Variants in EFL1 observed in about 807,000 individuals in gnomAD.
EFL1 encodes the protein elongation factor-like GTPase 1.
EFL1 carries 76 observed loss-of-function variants against 126.7 expected under a neutral mutation model. The observed-to-expected ratio is 0.60, with a 90% CI of 0.50 to 0.73. The LOEUF is 0.73. Ranked by LOEUF, EFL1 falls within the 30% of genes least tolerant of loss-of-function variation. The pLI is 0.00. For missense variants in EFL1, 1,128 were observed against 1,343.2 expected (o/e 0.84, Z 2.50); for synonymous variants, 410 against 448.4 (o/e 0.91, Z 1.08).
chr15:82,144,867 C>T (rs754966438), intron 18 of EFL1, among the ~76,000 whole-genome samples: 1 of 151,908 alleles, frequency 6.6e-6, no homozygotes, highest in Non-Finnish European at 1.5e-5. Flanking sequence ...GTGGTGCGCA[C>T]CTGTAGTCCC....
At chr15:82,148,567 T>C (rs1233164114) in intron 18 of EFL1, among the ~76,000 whole-genome samples, 3 of 152,128 alleles carry the variant, frequency 2.0e-5, no homozygotes, top group African/African-American at 7.2e-5. Context: ...TATCTTTCTC[T>C]TCAGTGAGGA....
Position 82,219,858 on chromosome 15 carries a change from T to A in EFL1, c.1445-40A>T, listed in dbSNP as rs774648067. On this transcript the variant is annotated intron_variant, in intron 13 of 19. Coordinates refer to ENST00000268206, the MANE Select transcript of EFL1 (RefSeq NM_024580.6). ...AAGATAATTAGTGCCAAGAATGCCC[T>A]CTTAATTCAAGAACTGTCTGAAATA... 17 of 1,572,580 alleles carry A rather than the reference T, an allele frequency of 1.1e-5. No homozygotes were observed. In the Middle Eastern group the frequency reaches 1.9e-3, roughly 173 times the overall value.
chr15:82,164,784 C>A (rs2074060791), intron 15 of EFL1, among the ~76,000 whole-genome samples: 1 of 151,556 alleles, frequency 6.6e-6, no homozygotes, highest in Admixed American at 6.6e-5. Context: ...GTAGTCCCAG[C>A]TACTTGGGAG....
At chr15:82,200,450 C>CT (rs1218486361) in intron 15 of EFL1, among the ~76,000 whole-genome samples, 1 of 152,224 alleles carries the variant, frequency 6.6e-6, no homozygotes, top group Non-Finnish European at 1.5e-5. Flanking sequence ...CAAGCAGCTT[C>CT]TGGGGGGTAA....
At chr15:82,176,216 A>AT (rs1379203973) in intron 15 of EFL1, among the ~76,000 whole-genome samples, 2 of 152,208 alleles carry the variant, frequency 1.3e-5, no homozygotes, top group African/African-American at 2.4e-5. Flanking sequence ...TCTAAATACA[A>AT]TAAGTAAAAC....
chr15:82,235,287 T>G (rs1458189777), intron 7 of EFL1, among the ~76,000 whole-genome samples: 3 of 152,234 alleles, frequency 2.0e-5, no homozygotes, highest in Admixed American at 1.3e-4. Context: ...AACTCAATAT[T>G]TAGCATATGT....
At chr15:82,238,835 A>G (rs2074901280) in intron 6 of EFL1, among the ~76,000 whole-genome samples, 1 of 152,146 alleles carries the variant, frequency 6.6e-6, no homozygotes, top group Non-Finnish European at 1.5e-5. Flanking sequence ...CAAAGTACTC[A>G]TGATTTCCAA....
Position 82,151,680 on chromosome 15 carries a change from T to C in EFL1, c.2774A>G (p.Asn925Ser). 3 of 1,614,198 alleles carry C rather than the reference T, an allele frequency of 1.9e-6. No homozygotes were observed. In the Middle Eastern group the frequency reaches 4.9e-4, roughly 266 times the overall value. Residue 925 changes from asparagine to serine, a missense_variant, in exon 18 of 20, where the codon AAT (asparagine) becomes AGT (serine). By Grantham distance (46) the Asn-to-Ser change is conservative. Transcript: ENST00000268206. Reference protein sequence around the residue: ...QEENETCSGGNENQELQDGCS... With the variant: ...QEENETCSGGSENQELQDGCS... ...GCCATCTTGTAGCTCTTGGTTTTCA[T>C]TTCCACCAGAACAGGTTTCATTTTC...
chr15:82,145,367 CAT>C (rs1474208896), intron 18 of EFL1, among the ~76,000 whole-genome samples: 1 of 150,202 alleles, frequency 6.7e-6, no homozygotes, highest in African/African-American at 2.5e-5. Context: ...CGTTAAAGTA[CAT>C]GTGTTCCAAC....
chr15:82,241,534 A>C (rs1226625193), intron 4 of EFL1, 131 bp from the exon 5 acceptor site: 7 of 1,127,952 alleles, frequency 6.2e-6, no homozygotes, highest in Non-Finnish European at 8.5e-6. Flanking sequence ...TTGAAAGCTC[A>C]ATCCAGAGCT....
intron 6 of EFL1, among the ~76,000 whole-genome samples, chr15:82,239,358 A>G (rs570328912): frequency 6.6e-6 from 1 of 151,990 alleles, no homozygotes; most frequent in Non-Finnish European, 1.5e-5. Context: ...GGATGGTCTC[A>G]ATCTCCTGAC....
rs760955432 is a variant in EFL1 at position 82,170,106 on chromosome 15, C to CTTT, written c.1751-6125_1751-6123dup. 3.9e-4 allele frequency among the ~76,000 whole-genome samples: 31 copies of CTTT among 78,854 alleles called. 2 individuals carry two copies. Among genetic ancestry groups the CTTT allele is most frequent in the Non-Finnish European group, 6.1e-4 (26 of 42,924 alleles). The allele number at this position is 78,854 out of a possible 152,430, so 51.7% of individuals were successfully genotyped here. On this transcript the variant is annotated intron_variant, in intron 15 of 19. Transcript: ENST00000268206. ...GTGTGGAAATGGCACCACTGGATGTCTTTTTTTTTTTTTTTTTTTTTTTTT... is the reference window on the plus strand; with the variant it reads ...GTGTGGAAATGGCACCACTGGATGTCTTTTTTTTTTTTTTTTTTTTTTTTTTTT...
chr15:82,192,631 C>T (rs1213389174), intron 15 of EFL1, among the ~76,000 whole-genome samples: 1 of 152,048 alleles, frequency 6.6e-6, no homozygotes, highest in Non-Finnish European at 1.5e-5. Flanking sequence ...TTTCACAACA[C>T]CATGAGGTGG....
intron 19 of EFL1, among the ~76,000 whole-genome samples, chr15:82,134,036 T>G (rs1361179184): frequency 1.3e-5 from 2 of 152,210 alleles, no homozygotes; most frequent in Non-Finnish European, 2.9e-5. Flanking sequence ...TGCTTAGCTG[T>G]GCGATCTTGG....
At chr15:82,163,819 T>C (rs781202258) in intron 16 of EFL1, 34 bp downstream of exon 16, 9 of 1,607,780 alleles carry the variant, frequency 5.6e-6, no homozygotes, top group South Asian at 2.2e-5. Context: ...AAAAGTATAA[T>C]AAACATATGC....
chr15:82,154,850 C>T (rs1474832985), intron 17 of EFL1, among the ~76,000 whole-genome samples: 1 of 152,196 alleles, frequency 6.6e-6, no homozygotes, highest in Admixed American at 6.5e-5. Context: ...CAGCCTCGAG[C>T]TCCTGGGCTC....
intron 7 of EFL1, among the ~76,000 whole-genome samples, chr15:82,237,450 C>G (rs1292723344): frequency 2.0e-5 from 3 of 152,078 alleles, no homozygotes; most frequent in Admixed American, 2.0e-4. Context: ...AAATTAAAAC[C>G]ACAATATCAT....
intron 15 of EFL1, among the ~76,000 whole-genome samples, chr15:82,211,872 C>T (rs922698669): frequency 2.6e-5 from 4 of 152,168 alleles, no homozygotes; most frequent in East Asian, 1.9e-4. Flanking sequence ...AAAACATTTA[C>T]TCTTCCTCCT....
chr15:82,215,581 A>G (rs1029307527), intron 14 of EFL1: 2 of 152,104 alleles, frequency 1.3e-5, no homozygotes, highest in Non-Finnish European at 2.9e-5. Context: ...AAATATACCC[A>G]CCATATAAAT....
Sources: gnomAD v4.1 joint callset for allele counts (sites outside exome capture counted in the v4.1 genomes callset) on GRCh38, gnomAD v4.1.1 for gene constraint, MANE v1.5 for transcripts, NCBI Gene and HGNC (gene_info 2026-07-23, HGNC 2026-07-21) for gene names.